The following MED1 variants were observed in gnomAD, a reference collection of about 807,000 sequenced individuals.
MED1 encodes mediator complex subunit 1.
Under a neutral mutation model 121.3 loss-of-function variants are expected in MED1, and 17 were observed. The ratio of observed to expected loss-of-function variants is 0.14; its 90% confidence interval spans 0.10 to 0.21. The LOEUF is 0.21. Ranked by LOEUF, MED1 falls within the 10% of genes least tolerant of loss-of-function variation. The pLI is 1.00. For missense variants in MED1, 1,558 were observed against 1,919.4 expected, an observed-to-expected ratio of 0.81 and a Z score of 3.52; for synonymous variants, 661 against 694.4, an observed-to-expected ratio of 0.95 and a Z score of 0.76.
chr17:39,405,074 A>C lies in MED1; in HGVS notation c.*2401T>G. 1 of 880,438 alleles carries C rather than the reference A, an allele frequency of 1.1e-6. No individual in the cohort carries two copies. The highest frequency in any genetic ancestry group is 1.6e-6 in the Non-Finnish European group (1 of 616,424). The allele number at this position is 880,438 out of a possible 1,614,324, so 54.5% of individuals were successfully genotyped here. On this transcript the variant is annotated 3_prime_UTR_variant, in exon 17 of 17. Coordinates refer to ENST00000300651, the MANE Select transcript of MED1 (RefSeq NM_004774.4). ...ACTTCATGTCCTTGCCTTCTTTTGA[A>C]ACAGAAGAATGAGTACACCTAGACA...
At chr17:39,427,500 C>T (rs1216890220) in intron 10 of MED1, 2 of 375,940 alleles carry the variant, frequency 5.3e-6, no homozygotes, top group Non-Finnish European at 9.6e-6. Flanking sequence ...TATTAAGCTC[C>T]TATTATGTAT....
chr17:39,421,987 G>T (rs1468765003), intron 13 of MED1, among the ~76,000 whole-genome samples: 1 of 150,942 alleles, frequency 6.6e-6, no homozygotes, highest in Non-Finnish European at 1.5e-5. Flanking sequence ...AATTAGCCAG[G>T]CATGGTGGCA....
rs780747652 is a variant in MED1, at chr17:39,408,799, C to CTAGATCCAG, written c.3413_3421dup (p.Ser1140_Ser1141insThrGlySer). 56 of 1,613,834 alleles carry CTAGATCCAG rather than the reference C, an allele frequency of 3.5e-5. No individual in the cohort carries two copies. The highest frequency in any genetic ancestry group is 4.5e-5 in the Non-Finnish European group (53 of 1,179,938). On this transcript the variant is annotated inframe_insertion, in exon 17 of 17. Transcript: ENST00000300651. This position sits in a 1 kb window ranked among gnomAD's most constrained non-coding sequence, Gnocchi z 4.7. ...AGACTGGGATGAATTTTTGGACTGGCTAGATCCAGAAGACCCCTGGCTAGA... is the reference window on the plus strand; with the variant it reads ...AGACTGGGATGAATTTTTGGACTGGCTAGATCCAGTAGATCCAGAAGACCCCTGGCTAGA...
intron 13 of MED1, among the ~76,000 whole-genome samples, chr17:39,422,334 T>C (rs2048473089): frequency 6.7e-6 from 1 of 148,928 alleles, no homozygotes; most frequent in South Asian, 2.1e-4. Flanking sequence ...CAGCTAATTT[T>C]TGTATTTTTT....
Position 39,410,025 on chromosome 17 carries a change from C to G in MED1, c.2196G>C (p.Thr732=), listed in dbSNP as rs757348375. 2.2e-5 allele frequency: 36 copies of G among 1,613,936 alleles called. No homozygotes were observed. The highest frequency in any genetic ancestry group is 3.0e-5 in the Non-Finnish European group (35 of 1,180,022). ...PIFDVNMTAD[T]LDTPHITPAP... ...CTGGAGTGATGTGTGGCGTATCCAGCGTGTCAGCTGTCATGTTGACATCAA... is the reference window on the plus strand; with the variant it reads ...CTGGAGTGATGTGTGGCGTATCCAGGGTGTCAGCTGTCATGTTGACATCAA... Residue 732 remains threonine (T), a synonymous_variant, in exon 17 of 17, where the codon ACG becomes ACC. Transcript: ENST00000300651.
At chr17:39,437,622 GA>G (rs34315891) in intron 6 of MED1, among the ~76,000 whole-genome samples, 7 of 149,234 alleles carry the variant, frequency 4.7e-5, no homozygotes, top group African/African-American at 1.5e-4. Flanking sequence ...ATCAAAATAA[GA>G]AAAAAAAAAT....
intron 16 of MED1, among the ~76,000 whole-genome samples, chr17:39,411,960 T>C (rs1481621895): frequency 6.6e-6 from 1 of 151,356 alleles, no homozygotes; most frequent in East Asian, 2.0e-4. Flanking sequence ...TGAGCTGAGA[T>C]TGTGCCATGG....
At chr17:39,444,208 C>G (rs2048705049) in intron 2 of MED1, among the ~76,000 whole-genome samples, 1 of 151,998 alleles carries the variant, frequency 6.6e-6, no homozygotes, top group Admixed American at 6.6e-5. Context: ...GAGATTGACT[C>G]TAAAAAACAG....
Position 39,408,973 on chromosome 17 carries a change from T to A in MED1, c.3248A>T (p.Tyr1083Phe), listed in dbSNP as rs763400885. The stretch of plus-strand genomic sequence containing the variant: ...GGAAGACACAGAACCACTGCTGGTA[T>A]ACTGACTGTGAGAGGAAGGCTTGCC... ...MVGKPSSHSQ[Y>F]TSSGSVSSSG... The change falls in exon 17 of 17, where the codon TAT becomes TTT. Residue 1083 changes from tyrosine to phenylalanine, a missense_variant. Physicochemically the swap from Tyr to Phe is conservative, Grantham distance 22. Around this residue, in one of 5 missense-constraint regions of MED1, gnomAD observed 793 missense variants for 898.2 expected, o/e 0.88. Transcript: ENST00000300651. This position sits in a 1 kb window ranked among gnomAD's most constrained non-coding sequence, Gnocchi z 4.7. The A allele has an allele frequency of 6.2e-7, 1 of 1,614,232 alleles. No homozygotes were observed.
At chr17:39,418,085 CAAAAAAAAA>C (rs760116991) in intron 14 of MED1, among the ~76,000 whole-genome samples, 12 of 55,636 alleles carry the variant, frequency 2.2e-4, no homozygotes, top group South Asian at 2.0e-3. Context: ...GACTCCGTCT[CAAAAAAAAA>C]AAAAAAAAAA....
chr17:39,419,022 T>A (rs2048436281), intron 14 of MED1, among the ~76,000 whole-genome samples: 1 of 152,092 alleles, frequency 6.6e-6, no homozygotes, highest in Non-Finnish European at 1.5e-5. Flanking sequence ...CTTGACCTTG[T>A]GATCTGCCCA....
chr17:39,431,797 C>T (rs2048567241), intron 8 of MED1, 145 bp downstream of exon 8: 2 of 579,134 alleles, frequency 3.5e-6, no homozygotes, highest in Admixed American at 3.3e-5. Context: ...GATACTGATA[C>T]TCAGAAGTTC....
intron 9 of MED1, among the ~76,000 whole-genome samples, chr17:39,429,431 C>G (rs2048543979): frequency 6.6e-6 from 1 of 151,200 alleles, no homozygotes; most frequent in African/African-American, 2.4e-5. Flanking sequence ...CGCAGTGGCT[C>G]ACGCCTATAA....
Position 39,422,576 on chromosome 17 carries a change from A to G in MED1, c.1095+751T>C, listed in dbSNP as rs150965389. Reference sequence around the variant, plus strand: ...ACTGCAACCTCTGCCTCCCGGGTTAAGTGATTCTCCTGCCTCAGCCTCCCA... The same window carrying G: ...ACTGCAACCTCTGCCTCCCGGGTTAGGTGATTCTCCTGCCTCAGCCTCCCA... On this transcript the variant is annotated intron_variant, in intron 13 of 16. Coordinates refer to ENST00000300651, the MANE Select transcript of MED1 (RefSeq NM_004774.4). 4.0e-3 allele frequency among the ~76,000 whole-genome samples: 588 copies of G among 148,468 alleles called. 6 individuals carry two copies. Among genetic ancestry groups the G allele is most frequent in the African/African-American group, 0.014 (562 of 39,906 alleles).
rs1173905970 is a variant in MED1 at position 39,405,072 on chromosome 17, G to C, written c.*2403C>G. 15 of 864,144 alleles carry C rather than the reference G, an allele frequency of 1.7e-5. No homozygotes were observed. In the Admixed American group the frequency reaches 4.4e-4, roughly 25 times the overall value. 53.5% of individuals were successfully genotyped at this position (864,144 alleles called of 1,614,324 possible). On this transcript the variant is annotated 3_prime_UTR_variant, in exon 17 of 17. Coordinates refer to ENST00000300651, the MANE Select transcript of MED1 (RefSeq NM_004774.4). ...TGACTTCATGTCCTTGCCTTCTTTT[G>C]AAACAGAAGAATGAGTACACCTAGA...
chr17:39,443,990 G>A (rs899348849), intron 2 of MED1, among the ~76,000 whole-genome samples: 7 of 152,106 alleles, frequency 4.6e-5, no homozygotes, highest in African/African-American at 9.7e-5. Flanking sequence ...AAAAGAAAAC[G>A]TTGTATTTCC....
Position 39,451,111 on chromosome 17 carries a change from C to T in MED1, c.-49G>A. On this transcript the variant is annotated 5_prime_UTR_variant, in exon 1 of 17. Coordinates refer to ENST00000300651, the MANE Select transcript of MED1 (RefSeq NM_004774.4). ...TCCGCCACAAAAGGATAAGCCCTTC[C>T]CCACCACTAACGGAGGAAACAAGTT... 6.2e-7 allele frequency: 1 copy of T among 1,601,954 alleles called. No homozygotes were observed. The highest frequency in any genetic ancestry group is 8.5e-7 in the Non-Finnish European group (1 of 1,173,786).
At position 39,419,878 on chromosome 17, in the gene MED1, T is replaced by C. The variant is rs762618347; in HGVS notation, c.1136A>G (p.Asp379Gly). The C allele has an allele frequency of 6.2e-7, 1 of 1,613,986 alleles. No homozygotes were observed. Among genetic ancestry groups the C allele is most frequent in the Non-Finnish European group, 8.5e-7 (1 of 1,179,994 alleles). ...GQQHCYFLNKDAPLPDGRSLQ... is the reference protein window; with the variant it reads ...GQQHCYFLNKGAPLPDGRSLQ... ...ACTTCGGCCATCTGGAAGAGGAGCA[T>C]CCTTGTTGAGGAAATAGCAGTGCTG... The change falls in exon 14 of 17, where the codon GAT becomes GGT. Residue 379 changes from aspartate to glycine, a missense_variant. By Grantham distance (94) the Asp-to-Gly change is moderately conservative (BLOSUM62 -1). This residue lies in a region of MED1 where 443 missense variants were observed against 532.4 expected (regional missense o/e 0.83). Coordinates refer to ENST00000300651, the MANE Select transcript of MED1 (RefSeq NM_004774.4).
chr17:39,407,913 G>A lies in MED1; in HGVS notation c.4308C>T (p.Ile1436=). Residue 1436 remains isoleucine (I), a synonymous_variant, in exon 17 of 17, where the codon ATC becomes ATT. Coordinates refer to ENST00000300651, the MANE Select transcript of MED1 (RefSeq NM_004774.4). ...ASSKNYGSPL[I]SGSTPKHERG... ...GCTCATGCTTTGGAGTGGAACCACT[G>A]ATGAGTGGAGAGCCATAGTTTTTAG... is the stretch of plus-strand genomic sequence containing the variant. The A allele has an allele frequency of 1.9e-6, 3 of 1,614,152 alleles. No individual in the cohort carries two copies. Among genetic ancestry groups the A allele is most frequent in the Non-Finnish European group, 2.5e-6 (3 of 1,180,030 alleles).
Sources: allele counts gnomAD v4.1 joint callset (sites outside exome capture counted in the v4.1 genomes callset), GRCh38; gene constraint gnomAD v4.1.1; regional missense constraint gnomAD v4.1.1; non-coding constraint Gnocchi (gnomAD v3.1); transcripts MANE v1.5; gene names NCBI Gene and HGNC (gene_info 2026-07-23, HGNC 2026-07-21).